The following COMMD1 variants were observed in gnomAD, a reference collection of about 807,000 sequenced individuals.
COMMD1 encodes the protein copper metabolism domain containing 1, also known as COMM domain-containing protein 1.
In COMMD1, 10 loss-of-function variants were observed where a neutral mutation model predicts 17.2. The ratio of observed to expected loss-of-function variants is 0.58; its 90% CI spans 0.36 to 0.99. The LOEUF (loss-of-function observed/expected upper bound fraction) is 0.99, where lower values mean the gene tolerates loss of function less well. COMMD1 is among the 50% of genes least tolerant of loss of function. The pLI, the probability that COMMD1 is intolerant of heterozygous loss-of-function variation, is 0.01. For synonymous variants in COMMD1, 97 were observed against 91.6 expected (o/e 1.06, Z -0.34); for missense variants, 270 against 231.8 (o/e 1.17, Z -1.07).
chr2:62,050,193 G>T (rs1670498506), intron 2 of COMMD1, among the ~76,000 whole-genome samples: 1 of 152,148 alleles, frequency 6.6e-6, no homozygotes, highest in African/African-American at 2.4e-5. Context: ...TCCAGATGAA[G>T]CATTAGATCA....
intron 2 of COMMD1, among the ~76,000 whole-genome samples, chr2:62,102,544 C>T (rs1672215374): frequency 6.6e-6 from 1 of 152,046 alleles, no homozygotes. Context: ...GAAAACAATA[C>T]CCCAAAATGA....
chr2:61,898,481 A>G (rs950573308), intron 1 of COMMD1, among the ~76,000 whole-genome samples: 11 of 152,280 alleles, frequency 7.2e-5, no homozygotes, highest in Middle Eastern at 3.4e-3. Flanking sequence ...GTCTCAAGAA[A>G]ATAAAATCTG....
intron 2 of COMMD1, among the ~76,000 whole-genome samples, chr2:62,022,008 T>A (rs1439518313): frequency 6.6e-6 from 1 of 152,198 alleles, no homozygotes; most frequent in Middle Eastern, 3.2e-3. Context: ...TTTTTTTTGT[T>A]TGTGCTTTGG....
chr2:61,924,621 AG>A (rs1442680254), intron 1 of COMMD1, among the ~76,000 whole-genome samples: 2 of 152,146 alleles, frequency 1.3e-5, no homozygotes, highest in African/African-American at 4.8e-5. Flanking sequence ...GGGCAGTTAC[AG>A]TGAGTGAAGA....
At chr2:61,896,576 GAAAA>G (rs1212675054) in intron 1 of COMMD1, among the ~76,000 whole-genome samples, 1 of 151,956 alleles carries the variant, frequency 6.6e-6, no homozygotes. Flanking sequence ...CCCTATCTCA[GAAAA>G]AAACAAAACC....
intron 1 of COMMD1, among the ~76,000 whole-genome samples, chr2:61,906,755 A>T (rs892387303): frequency 6.7e-6 from 1 of 148,318 alleles, no homozygotes; most frequent in African/African-American, 2.6e-5. Flanking sequence ...TGAAAAAAAA[A>T]CCTTATATAG....
intron 1 of COMMD1, among the ~76,000 whole-genome samples, chr2:61,964,067 T>G (rs967334304): frequency 5.3e-5 from 8 of 152,338 alleles, no homozygotes; most frequent in African/African-American, 1.9e-4. Context: ...TTCCCTACTT[T>G]CAGTCGGAAG....
intron 2 of COMMD1, among the ~76,000 whole-genome samples, chr2:62,016,510 CT>C (rs762996597): frequency 0.022 from 2,965 of 132,116 alleles, 33 homozygotes; most frequent in Non-Finnish European, 0.028. Context: ...AACCCAGCCT[CT>C]TTTTTTTTTT....
At position 61,939,747 on chromosome 2, in the gene COMMD1, A is replaced by T. The variant is rs183264457; in HGVS notation, c.180+33889A>T. ...TAAACTATAAATAACTATAAAAAAA[A>T]TTTTTTGGACCGTTCTTTAACCAGA... is the stretch of plus-strand genomic sequence containing the variant. On this transcript the variant is annotated intron_variant, in intron 1 of 2. Coordinates refer to ENST00000311832, the MANE Select transcript of COMMD1 (RefSeq NM_152516.4). Among the ~76,000 whole-genome samples the T allele has an allele frequency of 2.0e-3, 301 of 152,284 alleles. 1 individual carries two copies. The highest frequency in any genetic ancestry group is 3.4e-3 in the Middle Eastern group (1 of 294).
At chr2:61,889,211 T>TTTTTTTTTC in intron 1 of COMMD1, among the ~76,000 whole-genome samples, 1 of 125,612 alleles carries the variant, frequency 8.0e-6, no homozygotes, top group Non-Finnish European at 1.7e-5. Flanking sequence ...CCTTTTTTTT[T>TTTTTTTTTC]TTTTTTTTTT....
chr2:62,071,134 G>A (rs545144960), intron 2 of COMMD1, among the ~76,000 whole-genome samples: 15 of 152,320 alleles, frequency 9.8e-5, no homozygotes, highest in African/African-American at 2.4e-5. Flanking sequence ...TGCTAAACAA[G>A]GAGTGGATTA....
chr2:62,029,312 A>G (rs1165118225), intron 2 of COMMD1, among the ~76,000 whole-genome samples: 1 of 152,182 alleles, frequency 6.6e-6, no homozygotes, highest in East Asian at 1.9e-4. Flanking sequence ...ATTTAGATAA[A>G]TCTAATTTCA....
At chr2:62,036,878 T>G (rs1456468413) in intron 2 of COMMD1, among the ~76,000 whole-genome samples, 4 of 152,246 alleles carry the variant, frequency 2.6e-5, no homozygotes, top group Non-Finnish European at 5.9e-5. Context: ...GTGGTAGGAC[T>G]TTTTAAAATA....
intron 1 of COMMD1, among the ~76,000 whole-genome samples, chr2:61,910,921 T>A (rs1024000404): frequency 7.3e-5 from 11 of 151,580 alleles, no homozygotes; most frequent in Non-Finnish European, 1.2e-4. Flanking sequence ...CCGTCTCTAC[T>A]AAAAATACAA....
intron 2 of COMMD1, among the ~76,000 whole-genome samples, chr2:62,014,349 G>T (rs2103838948): frequency 6.6e-6 from 1 of 152,078 alleles, no homozygotes. Context: ...AGTGTATCCT[G>T]CCCAGCAGTG....
chr2:61,938,505 C>T (rs936901178), intron 1 of COMMD1, among the ~76,000 whole-genome samples: 1 of 152,182 alleles, frequency 6.6e-6, no homozygotes, highest in African/African-American at 2.4e-5. Context: ...AAACAAGGCA[C>T]TTGACCTTTT....
At chr2:62,001,394 A>G (rs75990278) in intron 2 of COMMD1, among the ~76,000 whole-genome samples, 2,290 of 152,354 alleles carry the variant, frequency 0.015, 49 homozygotes, top group East Asian at 0.091. Flanking sequence ...GAGGCAGTGT[A>G]TCTTAATTTA....
chr2:61,974,008 A>G (rs1339836495), intron 1 of COMMD1, among the ~76,000 whole-genome samples: 1 of 152,170 alleles, frequency 6.6e-6, no homozygotes, highest in Admixed American at 6.5e-5. Context: ...AACATCATAT[A>G]ATGGGGCTGG....
chr2:62,109,919 C>CTTT lies in COMMD1; in HGVS notation c.463-25889_463-25887dup, dbSNP rs11345736. ...AAGTATTAATCTACCTTATCTTGATCTTTTTTTTTTTTTTTTTTTTTTTTT... is the reference window on the plus strand; with the variant it reads ...AAGTATTAATCTACCTTATCTTGATCTTTTTTTTTTTTTTTTTTTTTTTTTTTT... On this transcript the variant is annotated intron_variant, in intron 2 of 2. Coordinates refer to ENST00000311832, the MANE Select transcript of COMMD1 (RefSeq NM_152516.4). Among the ~76,000 whole-genome samples, 101 of 73,838 alleles carry CTTT rather than the reference C, an allele frequency of 1.4e-3. 1 individual carries two copies. The highest frequency in any genetic ancestry group is 1.6e-3 in the African/African-American group (29 of 17,994). The allele number at this position is 73,838 out of a possible 152,430, so 48.4% of individuals were successfully genotyped here. A position where few individuals can be genotyped will look rare whatever the true frequency, so the allele number is the denominator to read the frequency against.
Sources: allele counts gnomAD v4.1 joint callset (sites outside exome capture counted in the v4.1 genomes callset), GRCh38; gene constraint gnomAD v4.1.1; transcripts MANE v1.5; gene names NCBI Gene and HGNC (gene_info 2026-07-23, HGNC 2026-07-21).